The following CNTN4 variants were observed in gnomAD, a reference collection of about 807,000 sequenced individuals.
The protein encoded by CNTN4 is contactin 4.
CNTN4 carries 77 observed loss-of-function variants against 122.5 expected under a neutral mutation model. The observed-to-expected ratio is 0.63, with a 90% CI of 0.52 to 0.76. The LOEUF is 0.76. Among genes scored for constraint, CNTN4 ranks in the 30% least tolerant of loss-of-function variants. CNTN4 has a pLI of 0.00. For synonymous variants in CNTN4, 512 were observed against 447.0 expected, an observed-to-expected ratio of 1.15 and a Z score of -1.83; for missense variants, 1,256 against 1,259.1, an observed-to-expected ratio of 1.00 and a Z score of 0.04.
chr3:2,673,117 A>C (rs1256531968), intron 4 of CNTN4, among the ~76,000 whole-genome samples: 1 of 152,190 alleles, frequency 6.6e-6, no homozygotes, highest in Non-Finnish European at 1.5e-5. Context: ...CAGTGGTAGA[A>C]TTCTTAGATG....
intron 3 of CNTN4, among the ~76,000 whole-genome samples, chr3:2,513,803 C>T (rs1035955078): frequency 6.6e-6 from 1 of 152,054 alleles, no homozygotes; most frequent in Admixed American, 6.5e-5. Context: ...TTGAACTCTC[C>T]AGGGGTCAGT....
intron 2 of CNTN4, among the ~76,000 whole-genome samples, chr3:2,335,812 ATTTTC>A (rs1223226015): frequency 1.3e-5 from 2 of 152,112 alleles, no homozygotes; most frequent in Non-Finnish European, 2.9e-5. Context: ...ATCATTAGAT[ATTTTC>A]TTTTAAGATC....
At chr3:2,125,835 C>T (rs2727913) in intron 2 of CNTN4, among the ~76,000 whole-genome samples, 83,018 of 151,306 alleles carry the variant, frequency 0.55, 22,946 homozygotes, top group East Asian at 0.68. Context: ...GGATTACAGG[C>T]GTGAGCCACA....
chr3:2,951,206 T>C (rs1213020519), intron 13 of CNTN4, among the ~76,000 whole-genome samples: 5 of 152,196 alleles, frequency 3.3e-5, no homozygotes, highest in Non-Finnish European at 5.9e-5. Context: ...TGGTCCCCTT[T>C]TTGGCACCAG....
intron 13 of CNTN4, among the ~76,000 whole-genome samples, chr3:2,984,445 G>A (rs1694362713): frequency 6.6e-6 from 1 of 152,206 alleles, no homozygotes; most frequent in African/African-American, 2.4e-5. Flanking sequence ...TGGGAGTCCA[G>A]TGGGTATAGG....
intron 3 of CNTN4, among the ~76,000 whole-genome samples, chr3:2,544,211 A>G (rs569902880): frequency 6.6e-6 from 1 of 152,152 alleles, no homozygotes; most frequent in Non-Finnish European, 1.5e-5. Context: ...TTTATCTTTT[A>G]CAATTATTCA....
intron 4 of CNTN4, among the ~76,000 whole-genome samples, chr3:2,711,849 T>G (rs889628451): frequency 1.3e-5 from 2 of 152,212 alleles, no homozygotes; most frequent in African/African-American, 4.8e-5. Context: ...GGGTAACTTG[T>G]ACAAGTCCTA....
At chr3:2,268,101 A>G (rs2041128230) in intron 2 of CNTN4, among the ~76,000 whole-genome samples, 1 of 152,122 alleles carries the variant, frequency 6.6e-6, no homozygotes, top group African/African-American at 2.4e-5. Flanking sequence ...TTAAGCATTT[A>G]CTATCTGCTC....
intron 2 of CNTN4, among the ~76,000 whole-genome samples, chr3:2,171,239 A>G (rs981175440): frequency 6.6e-6 from 1 of 152,200 alleles, no homozygotes; most frequent in African/African-American, 2.4e-5. Context: ...TGCTCTTACC[A>G]AAAATGTTAA....
At chr3:3,032,810 A>G (rs911284383) in intron 16 of CNTN4, among the ~76,000 whole-genome samples, 1 of 152,208 alleles carries the variant, frequency 6.6e-6, no homozygotes, top group African/African-American at 2.4e-5. Flanking sequence ...GTGTGTTATC[A>G]TTTTGTTCAG....
At chr3:2,917,148 A>G (rs2094373023) in intron 12 of CNTN4, among the ~76,000 whole-genome samples, 1 of 144,262 alleles carries the variant, frequency 6.9e-6, no homozygotes, top group South Asian at 2.2e-4. Context: ...AAAAAATATA[A>G]AAACCAGTCA....
At chr3:2,863,095 G>T (rs769359142) in intron 7 of CNTN4, among the ~76,000 whole-genome samples, 3 of 152,118 alleles carry the variant, frequency 2.0e-5, no homozygotes, top group Non-Finnish European at 4.4e-5. Context: ...GTATGTTTTA[G>T]TTGTACTACA....
intron 3 of CNTN4, among the ~76,000 whole-genome samples, chr3:2,558,257 T>C (rs1262365129): frequency 6.6e-6 from 1 of 152,192 alleles, no homozygotes; most frequent in Non-Finnish European, 1.5e-5. Flanking sequence ...TATAACACTG[T>C]TAACTAAACA....
intron 3 of CNTN4, among the ~76,000 whole-genome samples, chr3:2,460,678 T>C (rs1175244593): frequency 6.6e-6 from 1 of 152,212 alleles, no homozygotes; most frequent in Non-Finnish European, 1.5e-5. Context: ...GAATGGCCTT[T>C]AAGGATTACA....
At chr3:2,559,146 A>C (rs1460532439) in intron 3 of CNTN4, among the ~76,000 whole-genome samples, 1 of 152,210 alleles carries the variant, frequency 6.6e-6, no homozygotes, top group Non-Finnish European at 1.5e-5. Flanking sequence ...AAACTGTCAC[A>C]TTCAGGGTTT....
chr3:2,482,035 T>C (rs557326194), intron 3 of CNTN4, among the ~76,000 whole-genome samples: 21 of 152,308 alleles, frequency 1.4e-4, no homozygotes, highest in East Asian at 1.4e-3. Context: ...GCTATAAAGA[T>C]AGACGAAAAT....
chr3:2,791,841 C>T (rs1421859458), intron 6 of CNTN4, among the ~76,000 whole-genome samples: 7 of 152,162 alleles, frequency 4.6e-5, no homozygotes, highest in Admixed American at 4.6e-4. Flanking sequence ...CACATCTTCC[C>T]AGTTTCTGCC....
At chr3:2,739,525 G>A (rs115001161) in intron 5 of CNTN4, among the ~76,000 whole-genome samples, 2,364 of 152,228 alleles carry the variant, frequency 0.016, 76 homozygotes, top group African/African-American at 0.054. Flanking sequence ...ACAGCCAAAT[G>A]CATAGTATGT....
chr3:2,976,510 G>A (rs1193900233), intron 13 of CNTN4, among the ~76,000 whole-genome samples: 2 of 149,972 alleles, frequency 1.3e-5, no homozygotes, highest in Admixed American at 1.3e-4. Context: ...GATGTCTATT[G>A]CCACCACAGA....
Sources: allele counts gnomAD v4.1 joint callset (sites outside exome capture counted in the v4.1 genomes callset), GRCh38; gene constraint gnomAD v4.1.1; transcripts MANE v1.5; gene names NCBI Gene and HGNC (gene_info 2026-07-23, HGNC 2026-07-21).